SLC4A1AP: variants seen among roughly 807,000 people sequenced by gnomAD.
The protein encoded by SLC4A1AP is solute carrier family 4 member 1 adaptor protein.
A neutral mutation model predicts 89.7 loss-of-function variants in SLC4A1AP; 64 were observed. The observed-to-expected ratio is 0.71, with a 90% confidence interval of 0.58 to 0.88. The LOEUF (loss-of-function observed/expected upper bound fraction) is 0.88. SLC4A1AP is among the 40% of genes least tolerant of loss of function. The pLI is 0.00. For missense variants in SLC4A1AP, 931 were observed against 965.0 expected (o/e 0.96, Z 0.47); for synonymous variants, 366 against 353.3 (o/e 1.04, Z -0.40).
intron 12 of SLC4A1AP, chr2:27,693,236 ATTT>A (rs35289345): frequency 3.5e-5 from 5 of 140,926 alleles, no homozygotes; most frequent in Admixed American, 1.4e-4. Context: ...CCAGCCTGTG[ATTT>A]TTTTTTTTTT....
At chr2:27,684,632 A>G (rs947484695) in intron 9 of SLC4A1AP, among the ~76,000 whole-genome samples, 2 of 152,130 alleles carry the variant, frequency 1.3e-5, no homozygotes, top group South Asian at 4.1e-4. Context: ...AAATTACGCT[A>G]AGTCTAAAAT....
intron 9 of SLC4A1AP, among the ~76,000 whole-genome samples, chr2:27,684,043 A>G (rs963184579): frequency 7.2e-5 from 11 of 152,124 alleles, no homozygotes; most frequent in African/African-American, 2.2e-4. Context: ...AGGCTTTTCA[A>G]TCTGTTGCGG....
At chr2:27,675,399 C>T (rs752289222) in intron 5 of SLC4A1AP, 133 bp from the exon 6 acceptor site, 72 of 529,730 alleles carry the variant, frequency 1.4e-4, no homozygotes, top group Non-Finnish European at 2.0e-4. Flanking sequence ...TGTTTTTATA[C>T]GTAGTTTGGC....
intron 10 of SLC4A1AP, 105 bp downstream of exon 10, chr2:27,685,382 T>A: frequency 2.8e-6 from 4 of 1,420,806 alleles, no homozygotes; most frequent in Non-Finnish European, 3.8e-6. Flanking sequence ...TTTGACTTTG[T>A]ATGTGATATA....
At chr2:27,668,297 C>T (rs1207350482) in intron 3 of SLC4A1AP, among the ~76,000 whole-genome samples, 2 of 151,964 alleles carry the variant, frequency 1.3e-5, no homozygotes, top group East Asian at 1.9e-4. Flanking sequence ...TACAGGCGCC[C>T]GCCACCACGC....
At position 27,676,690 on chromosome 2, in the gene SLC4A1AP, C is replaced by G. The variant is rs923758646; in HGVS notation, c.1507-605C>G. 5.9e-5 allele frequency among the ~76,000 whole-genome samples: 9 copies of G among 151,480 alleles called. No individual in the cohort carries two copies. The East Asian group carries it at 1.7e-3, about 29-fold the overall frequency. ...AAAAAAAATACAAAAATTAGACAGGCGTGGTGGTGTGTGCCTGTAGTCCTA... is the reference window on the plus strand; with the variant it reads ...AAAAAAAATACAAAAATTAGACAGGGGTGGTGGTGTGTGCCTGTAGTCCTA... On this transcript the variant is annotated intron_variant, in intron 6 of 13. Coordinates refer to ENST00000613058, the Ensembl canonical transcript of SLC4A1AP.
At chr2:27,665,648 T>C (rs1675305408) in intron 2 of SLC4A1AP, among the ~76,000 whole-genome samples, 1 of 152,214 alleles carries the variant, frequency 6.6e-6, no homozygotes. Flanking sequence ...CTCTATTCAA[T>C]CAAATAAATG....
At chr2:27,686,425 T>C (rs146347474) in intron 10 of SLC4A1AP, among the ~76,000 whole-genome samples, 11 of 152,338 alleles carry the variant, frequency 7.2e-5, no homozygotes, top group East Asian at 1.9e-4. Context: ...AGTATGTGTG[T>C]GTAAAAATAG....
intron 8 of SLC4A1AP, among the ~76,000 whole-genome samples, chr2:27,681,482 T>A (rs1675618766): frequency 6.6e-6 from 1 of 152,164 alleles, no homozygotes; most frequent in Non-Finnish European, 1.5e-5. Context: ...ATGGTCAATA[T>A]GAAGAAAACA....
chr2:27,692,715 G>A (rs1405912080), intron 12 of SLC4A1AP: 1 of 151,918 alleles, frequency 6.6e-6, no homozygotes, highest in African/African-American at 2.4e-5. Context: ...TTCTTGTTGG[G>A]TTGATCCTTT....
chr2:27,668,822 T>A, intron 3 of SLC4A1AP, 21 bp from the exon 4 acceptor site: 1 of 1,610,688 alleles, frequency 6.2e-7, no homozygotes, highest in Non-Finnish European at 8.5e-7. Context: ...TAAAATTGTT[T>A]TGTCTGTCTT....
At position 27,668,235 on chromosome 2, in the gene SLC4A1AP, G is replaced by A. The variant is rs532024753; in HGVS notation, c.1145-608G>A. Among the ~76,000 whole-genome samples, 8 of 151,336 alleles carry A rather than the reference G, an allele frequency of 5.3e-5. No homozygotes were observed. In the East Asian group the frequency reaches 1.6e-3, roughly 30 times the overall value. On this transcript the variant is annotated intron_variant, in intron 3 of 13. Transcript: ENST00000613058. ...GCGATCTCGCCTCACTGCAAGCTCC[G>A]CCTTCCGGATTCACGCCATTCTCCT... is the stretch of plus-strand genomic sequence containing the variant.
At chr2:27,677,313 G>A in exon 7 of SLC4A1AP, 1 of 1,613,354 alleles carries the variant, frequency 6.2e-7, no homozygotes, top group Non-Finnish European at 8.5e-7. Flanking sequence ...ATTAAATGAT[G>A]CTGAAAGGGA....
chr2:27,673,429 TCCCTCCCTCCCTC>T (rs1558506686), intron 5 of SLC4A1AP, among the ~76,000 whole-genome samples: 4 of 51,106 alleles, frequency 7.8e-5, no homozygotes, highest in African/African-American at 3.1e-4. Context: ...CCTCCCTCCC[TCCCTCCCTCCCTC>T]CCTTCCTTCC....
At chr2:27,678,653 G>A (rs1675562659) in intron 8 of SLC4A1AP, among the ~76,000 whole-genome samples, 1 of 151,648 alleles carries the variant, frequency 6.6e-6, no homozygotes, top group Non-Finnish European at 1.5e-5. Context: ...AATACAAATA[G>A]CATCTTTTAT....
intron 6 of SLC4A1AP, among the ~76,000 whole-genome samples, chr2:27,676,181 A>G (rs1675518206): frequency 6.6e-6 from 1 of 152,234 alleles, no homozygotes; most frequent in South Asian, 2.1e-4. Flanking sequence ...TAGACTAGAA[A>G]AAAACATAAG....
rs964581905 is a variant in SLC4A1AP at position 27,668,840 on chromosome 2, C to T, written c.1145-3C>T. ...AATTGTTTTGTCTGTCTTTCTCCCA[C>T]AGGAGAAGAATTAGAATATGAATTT... On this transcript the variant is annotated splice_region_variant and splice_polypyrimidine_tract_variant and intron_variant, in intron 3 of 13. Transcript: ENST00000613058. The T allele has an allele frequency of 5.0e-6, 8 of 1,612,406 alleles. No homozygotes were observed. The highest frequency in any genetic ancestry group is 5.9e-6 in the Non-Finnish European group (7 of 1,178,508).
chr2:27,688,304 A>G (rs966710448), intron 11 of SLC4A1AP, among the ~76,000 whole-genome samples: 44 of 152,294 alleles, frequency 2.9e-4, no homozygotes, highest in African/African-American at 9.9e-4. Context: ...GCTCTCCACA[A>G]TTTTACATCT....
chr2:27,672,540 G>A (rs925008717), intron 5 of SLC4A1AP, among the ~76,000 whole-genome samples: 6 of 152,104 alleles, frequency 3.9e-5, no homozygotes, highest in African/African-American at 1.4e-4. Context: ...TGTTTCATGG[G>A]TTGTAAATAT....
Sources: gnomAD v4.1 joint callset for allele counts (sites outside exome capture counted in the v4.1 genomes callset) on GRCh38, gnomAD v4.1.1 for gene constraint, MANE v1.5 for transcripts, NCBI Gene and HGNC (gene_info 2026-07-23, HGNC 2026-07-21) for gene names.